The following MICAL3 variants were observed in gnomAD, a reference collection of about 807,000 sequenced individuals.
The protein encoded by MICAL3 is microtubule associated monooxygenase, calponin and LIM domain containing 3, also known as [F-actin]-monooxygenase MICAL3.
In MICAL3, 62 loss-of-function variants were observed where a neutral mutation model predicts 207.4. The ratio of observed to expected loss-of-function variants is 0.30; its 90% confidence interval spans 0.24 to 0.37. The LOEUF (loss-of-function observed/expected upper bound fraction) is 0.37. MICAL3 is among the 10% of genes least tolerant of loss of function. The probability of loss-of-function intolerance (pLI) is 1.00; values close to 1 mark genes in which losing one functional copy is unlikely to be tolerated. For missense variants in MICAL3, 2,368 were observed against 2,635.6 expected (o/e 0.90, Z 2.22); for synonymous variants, 1,077 against 1,069.3 (o/e 1.01, Z -0.14).
In MICAL3 at chr22:17,793,592, T is replaced by G. The variant is rs2061847086; in HGVS notation, c.5651-2291A>C. 2 of 152,258 alleles carry G rather than the reference T, an allele frequency of 1.3e-5. No homozygotes were observed. Among genetic ancestry groups the G allele is most frequent in the Admixed American group, 1.3e-4 (2 of 15,278 alleles). 9.4% of individuals were successfully genotyped at this position (152,258 alleles called of 1,614,324 possible). ...ACCTTTAGAAACTGCCACAGACTCA[T>G]GACATTTTGTAACAGGACTATTGAG... On this transcript the variant is annotated intron_variant, in intron 29 of 31. Transcript: ENST00000441493. This position sits in a 1 kb window ranked among gnomAD's most constrained non-coding sequence, Gnocchi z 4.1.
chr22:17,820,821 T>C lies in MICAL3; in HGVS notation c.3531+606A>G, dbSNP rs1462903870. ...CCATTTATCATAAAAATTATATTAT[T>C]TTTAATATATTATAAATTTATAAAA... On this transcript the variant is annotated intron_variant, in intron 25 of 31. Transcript: ENST00000441493. Among the ~76,000 whole-genome samples the C allele has an allele frequency of 3.4e-5, 5 of 147,780 alleles. No homozygotes were observed. The East Asian group carries it at 7.8e-4, about 23-fold the overall frequency.
chr22:17,893,401 T>C (rs1930539892), intron 11 of MICAL3, among the ~76,000 whole-genome samples: 1 of 152,180 alleles, frequency 6.6e-6, no homozygotes, highest in African/African-American at 2.4e-5. Flanking sequence ...ATCCTGGCTA[T>C]GTTGCAGGAC....
intron 19 of MICAL3, among the ~76,000 whole-genome samples, chr22:17,848,949 T>A (rs531674027): frequency 6.6e-6 from 1 of 152,218 alleles, no homozygotes; most frequent in Non-Finnish European, 1.5e-5. Context: ...CCCAGAGCCA[T>A]GTGTGGAAAG....
intron 13 of MICAL3, among the ~76,000 whole-genome samples, chr22:17,887,768 T>C (rs1930054659): frequency 1.3e-5 from 2 of 152,340 alleles, no homozygotes; most frequent in Non-Finnish European, 1.5e-5. Flanking sequence ...GGCTCGTTTT[T>C]GTGACAAAAA....
intron 19 of MICAL3, among the ~76,000 whole-genome samples, chr22:17,850,620 C>G (rs967009632): frequency 2.0e-5 from 3 of 151,942 alleles, no homozygotes; most frequent in African/African-American, 7.3e-5. Context: ...CCATGTTGGT[C>G]AGGATGGTCT....
At chr22:17,858,127 C>T (rs868798856) in intron 19 of MICAL3, among the ~76,000 whole-genome samples, 30 of 152,328 alleles carry the variant, frequency 2.0e-4, no homozygotes, top group African/African-American at 6.3e-4. Context: ...CCTGGAGGCC[C>T]GCATCCCCTC....
At chr22:17,839,484 T>A (rs1923769990) in intron 20 of MICAL3, 1 of 151,724 alleles carries the variant, frequency 6.6e-6, no homozygotes, top group African/African-American at 2.4e-5. Flanking sequence ...CTTGAACTCC[T>A]GACTTCAAGT....
Position 17,801,388 on chromosome 22 carries a change from C to T in MICAL3, c.5650+7456G>A, listed in dbSNP as rs1474260479. Among the ~76,000 whole-genome samples the T allele has an allele frequency of 1.4e-4, 18 of 131,466 alleles. 3 individuals are homozygous for T. Among genetic ancestry groups the T allele is most frequent in the African/African-American group, 5.3e-4 (16 of 30,154 alleles). The allele number at this position is 131,466 out of a possible 152,430, so 86.2% of individuals were successfully genotyped here. On this transcript the variant is annotated intron_variant, in intron 29 of 31. Transcript: ENST00000441493. ...CGGGATGGTCTCGATCTCCTGACCT[C>T]GTGATCCGCCCGCCTCGGCCTCCCA... is the stretch of plus-strand genomic sequence containing the variant.
chr22:17,834,456 C>A, intron 20 of MICAL3: 1 of 1,284,032 alleles, frequency 7.8e-7, no homozygotes, highest in South Asian at 1.2e-5. Context: ...TAGCTCACAT[C>A]TGTGATCCCA....
chr22:18,004,255 A>G (rs1466458924), intron 1 of MICAL3: 1 of 145,886 alleles, frequency 6.9e-6, no homozygotes, highest in Non-Finnish European at 1.5e-5. Context: ...CCCAATATAC[A>G]TTTCTTTTTT....
intron 29 of MICAL3, 96 bp from the exon 30 acceptor site, chr22:17,791,397 AG>A: frequency 9.2e-7 from 1 of 1,086,366 alleles, no homozygotes; most frequent in Non-Finnish European, 1.4e-6. Context: ...GGGCCGAGCA[AG>A]ATGCTGCCGG....
chr22:17,904,301 T>C (rs980869626), intron 3 of MICAL3, among the ~76,000 whole-genome samples: 1 of 152,188 alleles, frequency 6.6e-6, no homozygotes, highest in African/African-American at 2.4e-5. Context: ...GGGCCCAAAC[T>C]GGTCATCGTT....
At chr22:17,830,849 T>C (rs441215) in intron 21 of MICAL3, among the ~76,000 whole-genome samples, 42,963 of 152,192 alleles carry the variant, frequency 0.28, 6,304 homozygotes, top group African/African-American at 0.33. Context: ...TTCCTTCTGC[T>C]AACCCACCTC....
chr22:17,932,251 G>A (rs1933301714), intron 1 of MICAL3, among the ~76,000 whole-genome samples: 1 of 152,146 alleles, frequency 6.6e-6, no homozygotes. Flanking sequence ...ACCCACAAAG[G>A]GAAGGCCATC....
At chr22:17,877,318 AGGTT>A (rs1928781830) in intron 16 of MICAL3, among the ~76,000 whole-genome samples, 1 of 121,512 alleles carries the variant, frequency 8.2e-6, no homozygotes, top group Non-Finnish European at 1.6e-5. Flanking sequence ...GAGGTTAGGG[AGGTT>A]AGGGAGGTTA....
chr22:17,991,589 C>T (rs193144810), intron 1 of MICAL3, among the ~76,000 whole-genome samples: 1 of 152,206 alleles, frequency 6.6e-6, no homozygotes. Context: ...TAAAAGTGTC[C>T]TTCATGTTAG....
At chr22:17,843,683 C>T (rs1924315362) in intron 19 of MICAL3, among the ~76,000 whole-genome samples, 1 of 152,120 alleles carries the variant, frequency 6.6e-6, no homozygotes, top group Non-Finnish European at 1.5e-5. Context: ...CTGGGGAGTG[C>T]CCAGGAAACA....
At chr22:17,794,998 C>T (rs2061860220) in intron 29 of MICAL3, among the ~76,000 whole-genome samples, 1 of 152,216 alleles carries the variant, frequency 6.6e-6, no homozygotes, top group Non-Finnish European at 1.5e-5. Flanking sequence ...GCCAACAAGA[C>T]AAAGAGCTGG....
At chr22:17,945,993 A>G (rs533138848) in intron 1 of MICAL3, among the ~76,000 whole-genome samples, 7 of 152,320 alleles carry the variant, frequency 4.6e-5, no homozygotes, top group African/African-American at 1.7e-4. Flanking sequence ...TCACCTTATC[A>G]AGTTATTCAA....
Sources: gnomAD v4.1 joint callset for allele counts (sites outside exome capture counted in the v4.1 genomes callset) on GRCh38, gnomAD v4.1.1 for gene constraint, Gnocchi (gnomAD v3.1) non-coding constraint, MANE v1.5 for transcripts, NCBI Gene and HGNC (gene_info 2026-07-23, HGNC 2026-07-21) for gene names.